Variants in NGEF observed in about 807,000 individuals in gnomAD.
NGEF encodes ephexin-1.
Under a neutral mutation model 80.9 loss-of-function variants are expected in NGEF, and 31 were observed. The ratio of observed to expected loss-of-function variants is 0.38; its 90% confidence interval spans 0.29 to 0.52. The LOEUF (loss-of-function observed/expected upper bound fraction) is 0.52, where lower values mean the gene tolerates loss of function less well. Ranked by LOEUF, NGEF falls within the 20% of genes least tolerant of loss-of-function variation. NGEF has a pLI of 0.84. For missense variants in NGEF, 709 were observed against 926.2 expected, an observed-to-expected ratio of 0.77 and a Z score of 3.04; for synonymous variants, 371 against 370.2, an observed-to-expected ratio of 1.00 and a Z score of -0.03.
chr2:232,895,304 A>C (rs1221976043), intron 5 of NGEF, among the ~76,000 whole-genome samples: 1 of 152,150 alleles, frequency 6.6e-6, no homozygotes, highest in African/African-American at 2.4e-5. Flanking sequence ...AGGCGGGCAG[A>C]TCACTTGAGG....
At chr2:232,963,633 G>A (rs1693997421) in intron 3 of NGEF, among the ~76,000 whole-genome samples, 1 of 152,108 alleles carries the variant, frequency 6.6e-6, no homozygotes, top group Non-Finnish European at 1.5e-5. Flanking sequence ...GGCCAATATG[G>A]TGAAACCCTG....
chr2:232,997,436 G>T (rs1574662010), intron 1 of NGEF, among the ~76,000 whole-genome samples: 1 of 152,266 alleles, frequency 6.6e-6, no homozygotes, highest in East Asian at 1.9e-4. Flanking sequence ...GGCCTCTGCA[G>T]TGAAACTGTC....
At chr2:232,884,210 G>C (rs1441050299) in intron 10 of NGEF, 66 bp from the exon 11 acceptor site, 37 of 1,446,728 alleles carry the variant, frequency 2.6e-5, no homozygotes, top group Non-Finnish European at 3.4e-5. Context: ...CATGCCCCCA[G>C]GGCTGCGTCT....
intron 3 of NGEF, among the ~76,000 whole-genome samples, chr2:232,928,761 G>A (rs2106286048): frequency 6.6e-6 from 1 of 152,322 alleles, no homozygotes; most frequent in South Asian, 2.1e-4. Flanking sequence ...TGGCGGGTCT[G>A]GGATGGGTTC....
At chr2:232,995,839 A>G (rs1404961842) in intron 1 of NGEF, among the ~76,000 whole-genome samples, 1 of 149,920 alleles carries the variant, frequency 6.7e-6, no homozygotes, top group Non-Finnish European at 1.5e-5. Context: ...GTATATGTAT[A>G]TGTATAATAT....
intron 6 of NGEF, chr2:232,894,541 T>G: frequency 2.4e-6 from 1 of 424,096 alleles, no homozygotes; most frequent in Non-Finnish European, 4.2e-6. Flanking sequence ...CAGGTGCTCA[T>G]GGGAAGGGAC....
chr2:232,942,948 G>A (rs1324138226), intron 3 of NGEF, among the ~76,000 whole-genome samples: 2 of 115,838 alleles, frequency 1.7e-5, no homozygotes, highest in Non-Finnish European at 3.3e-5. Context: ...TCCCTCCCCC[G>A]AACTGACCAG....
chr2:232,969,654 G>A (rs190132601), intron 3 of NGEF, among the ~76,000 whole-genome samples: 1 of 151,686 alleles, frequency 6.6e-6, no homozygotes, highest in Admixed American at 6.6e-5. Flanking sequence ...GATTACAGGC[G>A]AGTGCCACCA....
At chr2:232,960,372 G>A (rs1693922813) in intron 3 of NGEF, among the ~76,000 whole-genome samples, 1 of 152,162 alleles carries the variant, frequency 6.6e-6, no homozygotes, top group South Asian at 2.1e-4. Context: ...GGACCCCAAG[G>A]GACTGAGTCA....
At chr2:232,941,137 C>T (rs550918996) in intron 3 of NGEF, among the ~76,000 whole-genome samples, 33 of 152,126 alleles carry the variant, frequency 2.2e-4, no homozygotes, top group Middle Eastern at 3.4e-3. Context: ...CATAGGAAGT[C>T]GGAGCTGTCT....
intron 1 of NGEF, among the ~76,000 whole-genome samples, chr2:232,985,812 A>T (rs997952201): frequency 2.0e-5 from 3 of 151,744 alleles, no homozygotes; most frequent in Non-Finnish European, 2.9e-5. Context: ...GGTGGCGGGC[A>T]CCTGTAATTC....
intron 5 of NGEF, among the ~76,000 whole-genome samples, chr2:232,898,740 G>A (rs1280148274): frequency 6.6e-6 from 1 of 152,196 alleles, no homozygotes; most frequent in African/African-American, 2.4e-5. Context: ...CTAGGCACTG[G>A]GCACTCGGCT....
chr2:232,972,860 G>A (rs989864443), intron 2 of NGEF, among the ~76,000 whole-genome samples: 13 of 147,996 alleles, frequency 8.8e-5, no homozygotes, highest in African/African-American at 2.2e-4. Flanking sequence ...GGGTTCAAGT[G>A]ATTTTCCTGC....
intron 1 of NGEF, among the ~76,000 whole-genome samples, chr2:232,985,397 AC>A (rs1694510638): frequency 6.6e-6 from 1 of 152,156 alleles, no homozygotes; most frequent in Admixed American, 6.6e-5. Flanking sequence ...CGGGCAGATC[AC>A]CTGAGGTCAG....
intron 5 of NGEF, chr2:232,905,719 A>G (rs1345632427): frequency 2.6e-6 from 1 of 382,734 alleles, no homozygotes; most frequent in Non-Finnish European, 5.2e-6. Context: ...CCGGCCGCCC[A>G]TCGTCTGAGA....
At chr2:232,903,663 C>T (rs1692419557) in intron 5 of NGEF, among the ~76,000 whole-genome samples, 1 of 152,196 alleles carries the variant, frequency 6.6e-6, no homozygotes, top group African/African-American at 2.4e-5. Context: ...TAACGCCTAG[C>T]TGACGTTTTA....
intron 1 of NGEF, among the ~76,000 whole-genome samples, chr2:232,992,884 G>A (rs1352826574): frequency 6.6e-6 from 1 of 150,700 alleles, no homozygotes; most frequent in Admixed American, 6.7e-5. Flanking sequence ...CTATTCAGGA[G>A]GCTGAGGTGG....
At chr2:232,945,609 C>T (rs1052942458) in intron 3 of NGEF, among the ~76,000 whole-genome samples, 5 of 152,232 alleles carry the variant, frequency 3.3e-5, no homozygotes, top group East Asian at 3.9e-4. Context: ...CAGAGAGAGG[C>T]GGGGAGCAGC....
chr2:232,961,169 C>G (rs535862713), intron 3 of NGEF, among the ~76,000 whole-genome samples: 1 of 152,290 alleles, frequency 6.6e-6, no homozygotes, highest in African/African-American at 2.4e-5. Flanking sequence ...AACTGAAGAA[C>G]TGATTCTTGG....
Sources: gnomAD v4.1 joint callset for allele counts (sites outside exome capture counted in the v4.1 genomes callset) on GRCh38, gnomAD v4.1.1 for gene constraint, MANE v1.5 for transcripts, NCBI Gene and HGNC (gene_info 2026-07-23, HGNC 2026-07-21) for gene names.